The following KCTD6 variants were observed in gnomAD, a reference collection of about 807,000 sequenced individuals.
KCTD6 encodes the protein potassium channel tetramerization domain containing 6, also known as BTB/POZ domain-containing protein KCTD6.
In KCTD6, 6 loss-of-function variants were observed where a neutral mutation model predicts 18.7. That is an observed-to-expected ratio of 0.32 (90% CI 0.18 to 0.63). The LOEUF is 0.63. Among genes scored for constraint, KCTD6 ranks in the 30% least tolerant of loss-of-function variants. The pLI, the probability that KCTD6 is intolerant of heterozygous loss-of-function variation, is 0.79. For missense variants in KCTD6, 165 were observed against 300.2 expected, an observed-to-expected ratio of 0.55 and a Z score of 3.33; for synonymous variants, 86 against 108.5, an observed-to-expected ratio of 0.79 and a Z score of 1.29.
chr3:58,501,738 T>C lies in KCTD6; in HGVS notation c.*106T>C, dbSNP rs1576980918. 1.3e-6 allele frequency: 1 copy of C among 776,432 alleles called. No individual in the cohort carries two copies. The highest frequency in any genetic ancestry group is 3.4e-5 in the East Asian group (1 of 29,606). The allele number at this position is 776,432 out of a possible 1,614,324, so 48.1% of individuals were successfully genotyped here. On this transcript the variant is annotated 3_prime_UTR_variant, in exon 3 of 3. Coordinates refer to ENST00000404589, the MANE Select transcript of KCTD6 (RefSeq NM_001128214.2). This position sits in a 1 kb window ranked among gnomAD's most constrained non-coding sequence, Gnocchi z 9.7. ...AGATATTTTTTTTCTTTTAAATAGT[T>C]GTATTTATTTGAAGGCAGTGAGGAC...
chr3:58,492,676 A>T lies in KCTD6; in HGVS notation c.-44+507A>T, dbSNP rs1369546458. ...CTTTGGGATTTTCTGCCCTGAAGAG[A>T]CTCTCAGATCGCAGCTGAGTTCTTT... On this transcript the variant is annotated intron_variant, in intron 1 of 2. Transcript: ENST00000404589. This position sits in a 1 kb window ranked among gnomAD's most constrained non-coding sequence, Gnocchi z 6.1. 2.0e-5 allele frequency among the ~76,000 whole-genome samples: 3 copies of T among 151,950 alleles called. No individual in the cohort carries two copies. Among genetic ancestry groups the T allele is most frequent in the South Asian group, 2.1e-4 (1 of 4,824 alleles).
At position 58,493,164 on chromosome 3, in the gene KCTD6, A is replaced by G. The variant is rs571064935; in HGVS notation, c.-44+995A>G. Among the ~76,000 whole-genome samples, 1 of 152,316 alleles carries G rather than the reference A, an allele frequency of 6.6e-6. No individual in the cohort carries two copies. The highest frequency in any genetic ancestry group is 2.4e-5 in the African/African-American group (1 of 41,558). ...CCAAGATTGAGATGTTTTCAAATGA[A>G]CGAATATGTAGCTAGGAAAAGGAAA... On this transcript the variant is annotated intron_variant, in intron 1 of 2. Transcript: ENST00000404589. This position sits in a 1 kb window ranked among gnomAD's most constrained non-coding sequence, Gnocchi z 4.5.
Position 58,493,728 on chromosome 3 carries a change from C to T in KCTD6, c.-44+1559C>T, listed in dbSNP as rs774422041. The stretch of plus-strand genomic sequence containing the variant: ...TACTTGTGTTCACACTCAAGTTTCT[C>T]ATGTTAACCTAGAAATTTTGTTTAT... On this transcript the variant is annotated intron_variant, in intron 1 of 2. Coordinates refer to ENST00000404589, the MANE Select transcript of KCTD6 (RefSeq NM_001128214.2). The surrounding 1 kb of genome is among the most constrained non-coding windows in gnomAD (Gnocchi z 4.5). Among the ~76,000 whole-genome samples the T allele has an allele frequency of 2.0e-5, 3 of 152,222 alleles. No individual in the cohort carries two copies. Among genetic ancestry groups the T allele is most frequent in the Non-Finnish European group, 4.4e-5 (3 of 68,040 alleles).
In KCTD6 at chr3:58,498,762, A is replaced by G; in HGVS notation, c.7A>G (p.Asn3Asp). 2 of 1,612,566 alleles carry G rather than the reference A, an allele frequency of 1.2e-6. No individual in the cohort carries two copies. Among genetic ancestry groups the G allele is most frequent in the Non-Finnish European group, 8.5e-7 (1 of 1,179,288 alleles). The change falls in exon 2 of 3, where the codon AAT (asparagine) becomes GAT (aspartate). Residue 3 changes from asparagine to aspartate, a missense_variant. Transcript: ENST00000404589. The surrounding 1 kb of genome is among the most constrained non-coding windows in gnomAD (Gnocchi z 4.6). ...AGACGCATCACTGGAGCAGATGGAT[A>G]ATGGAGACTGGGGCTATATGGTGAG... The part of the protein sequence containing the change: MD[N>D]GDWGYMMTDP...
intron 1 of KCTD6, among the ~76,000 whole-genome samples, chr3:58,495,496 G>A (rs1020064010): frequency 9.0e-5 from 10 of 111,078 alleles, no homozygotes; most frequent in African/African-American, 3.3e-4. Flanking sequence ...TGGATAACAG[G>A]GAATTTTTCA....
At position 58,500,593 on chromosome 3, in the gene KCTD6, A is replaced by G. The variant is rs192854516; in HGVS notation, c.28-353A>G. On this transcript the variant is annotated intron_variant, in intron 2 of 2. Transcript: ENST00000404589. ...AGCCTTAAAAAAAAATCAGAAAAAA[A>G]TAAGTGTATTTTAGCGTGGCTTTTC... Among the ~76,000 whole-genome samples, 28 of 152,330 alleles carry G rather than the reference A, an allele frequency of 1.8e-4. No homozygotes were observed. In the East Asian group the frequency reaches 2.3e-3, roughly 13 times the overall value.
In KCTD6 at chr3:58,501,555, A is replaced by G; in HGVS notation, c.637A>G (p.Met213Val). The change falls in exon 3 of 3, where the codon ATG (methionine) becomes GTG (valine). Residue 213 changes from methionine to valine, a missense_variant. Physicochemically the swap from Met to Val is conservative, Grantham distance 21. Around this residue, in one of 2 missense-constraint regions of KCTD6, gnomAD observed 106 missense variants for 230.4 expected, o/e 0.46. Coordinates refer to ENST00000404589, the MANE Select transcript of KCTD6 (RefSeq NM_001128214.2). The surrounding 1 kb of genome is among the most constrained non-coding windows in gnomAD (Gnocchi z 9.7). ...GATCCGCAACACCCGGGTGCATCAC[A>G]TGAGTGAGCGGGCCAATGAAAACAC... ...FTIRNTRVHH[M>V]SERANENTVE... is the part of the protein sequence containing the mutation. 6.8e-7 allele frequency: 1 copy of G among 1,466,186 alleles called. No individual in the cohort carries two copies. Among genetic ancestry groups the G allele is most frequent in the Non-Finnish European group, 9.0e-7 (1 of 1,110,064 alleles). 90.8% of individuals were successfully genotyped at this position (1,466,186 alleles called of 1,614,324 possible). A position where few individuals can be genotyped will look rare whatever the true frequency, so the allele number is the denominator to read the frequency against.
At position 58,493,037 on chromosome 3, in the gene KCTD6, C is replaced by A. The variant is rs2063161652; in HGVS notation, c.-44+868C>A. ...GTAGCCTAAGTATCTCTTCTATATC[C>A]CCCTGGCATGTTCTTTTTTTCGCTG... is the stretch of plus-strand genomic sequence containing the variant. On this transcript the variant is annotated intron_variant, in intron 1 of 2. Coordinates refer to ENST00000404589, the MANE Select transcript of KCTD6 (RefSeq NM_001128214.2). This position sits in a 1 kb window ranked among gnomAD's most constrained non-coding sequence, Gnocchi z 4.5. Among the ~76,000 whole-genome samples, 1 of 152,130 alleles carries A rather than the reference C, an allele frequency of 6.6e-6. No individual in the cohort carries two copies.
chr3:58,498,651 A>G lies in KCTD6; in HGVS notation c.-43-62A>G. ...GGCCTCCTCTGTTGGGTGGAAAAAG[A>G]CTTTCTTCTCTATTTTCCTAGTTAT... On this transcript the variant is annotated intron_variant, in intron 1 of 2. Transcript: ENST00000404589. This position sits in a 1 kb window ranked among gnomAD's most constrained non-coding sequence, Gnocchi z 4.6. 4.6e-6 allele frequency: 4 copies of G among 863,066 alleles called. No homozygotes were observed. The Admixed American group carries it at 5.9e-5, about 13-fold the overall frequency. The allele number at this position is 863,066 out of a possible 1,614,324, so 53.5% of individuals were successfully genotyped here. A position where few individuals can be genotyped will look rare whatever the true frequency, so the allele number is the denominator to read the frequency against.
intron 1 of KCTD6, among the ~76,000 whole-genome samples, chr3:58,495,734 G>C (rs2063172505): frequency 6.6e-6 from 1 of 152,118 alleles, no homozygotes; most frequent in South Asian, 2.1e-4. Flanking sequence ...GTATAGGAAG[G>C]CTTTTGGGTG....
At chr3:58,500,011 C>T (rs2063197724) in intron 2 of KCTD6, among the ~76,000 whole-genome samples, 1 of 152,034 alleles carries the variant, frequency 6.6e-6, no homozygotes, top group Non-Finnish European at 1.5e-5. Context: ...GCTTTTCTGG[C>T]TTGGTTGTAT....
chr3:58,495,783 T>C (rs1050711678), intron 1 of KCTD6, among the ~76,000 whole-genome samples: 12 of 152,204 alleles, frequency 7.9e-5, no homozygotes, highest in Non-Finnish European at 1.6e-4. Context: ...CCATAATTGC[T>C]TTCCTGAATT....
chr3:58,495,776 T>A (rs898934057), intron 1 of KCTD6, among the ~76,000 whole-genome samples: 2 of 152,174 alleles, frequency 1.3e-5, no homozygotes, highest in Non-Finnish European at 2.9e-5. Flanking sequence ...TAGATTCCCA[T>A]AATTGCTTTC....
At position 58,496,101 on chromosome 3, in the gene KCTD6, A is replaced by C. The variant is rs1210094982; in HGVS notation, c.-43-2612A>C. Among the ~76,000 whole-genome samples the C allele has an allele frequency of 4.1e-5, 6 of 144,580 alleles. No individual in the cohort carries two copies. The allele number at this position is 144,580 out of a possible 152,430, so 94.9% of individuals were successfully genotyped here. A position where few individuals can be genotyped will look rare whatever the true frequency, so the allele number is the denominator to read the frequency against. On this transcript the variant is annotated intron_variant, in intron 1 of 2. Transcript: ENST00000404589. This position sits in a 1 kb window ranked among gnomAD's most constrained non-coding sequence, Gnocchi z 5.1. ...AGACAGGACAGCAACCGTTATTCACACTAGTTGAATGGGTTCCTGCCTTTT... is the reference window on the plus strand; with the variant it reads ...AGACAGGACAGCAACCGTTATTCACCCTAGTTGAATGGGTTCCTGCCTTTT...
In KCTD6 at chr3:58,498,388, G is replaced by T. The variant is rs1576979389; in HGVS notation, c.-43-325G>T. 5.0e-6 allele frequency: 1 copy of T among 198,104 alleles called. No individual in the cohort carries two copies. 12.3% of individuals were successfully genotyped at this position (198,104 alleles called of 1,614,324 possible). ...TTCTCTTATATAAATTCTAAAAATT[G>T]ATGTTCTAAGAAGAGAGGTAGAATT... is the stretch of plus-strand genomic sequence containing the variant. On this transcript the variant is annotated intron_variant, in intron 1 of 2. Coordinates refer to ENST00000404589, the MANE Select transcript of KCTD6 (RefSeq NM_001128214.2). This position sits in a 1 kb window ranked among gnomAD's most constrained non-coding sequence, Gnocchi z 4.6.
rs2063157569 is a variant in KCTD6, at chr3:58,492,135, C to G, written c.-78C>G. The G allele has an allele frequency of 6.7e-6, 1 of 149,280 alleles. No homozygotes were observed. The highest frequency in any genetic ancestry group is 1.8e-4 in the South Asian group (1 of 5,616). 9.2% of individuals were successfully genotyped at this position (149,280 alleles called of 1,614,324 possible). A position where few individuals can be genotyped will look rare whatever the true frequency, so the allele number is the denominator to read the frequency against. On this transcript the variant is annotated 5_prime_UTR_variant, in exon 1 of 3. Transcript: ENST00000404589. This position sits in a 1 kb window ranked among gnomAD's most constrained non-coding sequence, Gnocchi z 6.1. ...TCGCGCTCTCCGGCCGCGGGCATCT[C>G]CCGGCCCGGCCGCAGCAGCCGCCGC...
chr3:58,501,766 G>T lies in KCTD6; in HGVS notation c.*134G>T, dbSNP rs898720846. The stretch of plus-strand genomic sequence containing the variant: ...ATTTATTTGAAGGCAGTGAGGACCA[G>T]AAGGAAGTTTTGTGCTTTGGCAGAC... On this transcript the variant is annotated 3_prime_UTR_variant, in exon 3 of 3. Transcript: ENST00000404589. The surrounding 1 kb of genome is among the most constrained non-coding windows in gnomAD (Gnocchi z 9.7). 1.7e-6 allele frequency: 1 copy of T among 581,234 alleles called. No individual in the cohort carries two copies. Among genetic ancestry groups the T allele is most frequent in the Non-Finnish European group, 2.6e-6 (1 of 382,142 alleles). 36.0% of individuals were successfully genotyped at this position (581,234 alleles called of 1,614,324 possible).
Position 58,502,076 on chromosome 3 carries a change from A to T in KCTD6, c.*444A>T, listed in dbSNP as rs945055634. 5 of 152,992 alleles carry T rather than the reference A, an allele frequency of 3.3e-5. No homozygotes were observed. The highest frequency in any genetic ancestry group is 1.2e-4 in the African/African-American group (5 of 41,588). 9.5% of individuals were successfully genotyped at this position (152,992 alleles called of 1,614,324 possible). A position where few individuals can be genotyped will look rare whatever the true frequency, so the allele number is the denominator to read the frequency against. On this transcript the variant is annotated 3_prime_UTR_variant, in exon 3 of 3. Coordinates refer to ENST00000404589, the MANE Select transcript of KCTD6 (RefSeq NM_001128214.2). ...CTAGTTTCCAAACCAATAAATAAGT[A>T]GTATTGTAATATTAAAGGAAAACTG...
In KCTD6 at chr3:58,492,926, T is replaced by A. The variant is rs1576977282; in HGVS notation, c.-44+757T>A. ...GTATACCAGTTCTAGAACAAGTTGA[T>A]GGATCCAATTTTAGGACTTTGTGAT... On this transcript the variant is annotated intron_variant, in intron 1 of 2. Transcript: ENST00000404589. The surrounding 1 kb of genome is among the most constrained non-coding windows in gnomAD (Gnocchi z 6.1). Among the ~76,000 whole-genome samples, 1 of 152,364 alleles carries A rather than the reference T, an allele frequency of 6.6e-6. No individual in the cohort carries two copies. The highest frequency in any genetic ancestry group is 1.9e-4 in the East Asian group (1 of 5,186).
Sources: allele counts gnomAD v4.1 joint callset (sites outside exome capture counted in the v4.1 genomes callset), GRCh38; gene constraint gnomAD v4.1.1; regional missense constraint gnomAD v4.1.1; non-coding constraint Gnocchi (gnomAD v3.1); transcripts MANE v1.5; gene names NCBI Gene and HGNC (gene_info 2026-07-23, HGNC 2026-07-21).